Variants in DEXI observed in about 807,000 individuals in gnomAD.
DEXI encodes Dexi homolog, also known as dexamethasone-induced protein.
DEXI carries 2 observed loss-of-function variants against 2.5 expected under a neutral mutation model. That is an observed-to-expected ratio of 0.81 (90% CI 0.33 to 2.55). The LOEUF is 2.55. Among genes scored for constraint, DEXI ranks in the 30% most tolerant of loss-of-function variants. The pLI, the probability that DEXI is intolerant of heterozygous loss-of-function variation, is 0.11. For synonymous variants in DEXI, 71 were observed against 68.7 expected, an observed-to-expected ratio of 1.03 and a Z score of -0.17; for missense variants, 108 against 130.3, an observed-to-expected ratio of 0.83 and a Z score of 0.83.
At position 10,941,671 on chromosome 16, in the gene DEXI, C is replaced by A; in HGVS notation, c.*47G>T. ...CATGATCTGGGCGGCTGGTCCAGGG[C>A]ATGGGTTGCGGATCGTGTAGGGAAG... On this transcript the variant is annotated 3_prime_UTR_variant, in exon 1 of 2. Transcript: ENST00000331808. This position sits in a 1 kb window ranked among gnomAD's most constrained non-coding sequence, Gnocchi z 6.4. The A allele has an allele frequency of 6.4e-7, 1 of 1,560,528 alleles. No individual in the cohort carries two copies. Among genetic ancestry groups the A allele is most frequent in the Non-Finnish European group, 8.7e-7 (1 of 1,150,232 alleles).
chr16:10,942,133 G>T lies in DEXI; in HGVS notation c.-128C>A. ...TGGAGCCCGACAGAAGCAGGGCCGG[G>T]CTCCAGATGTCCCCTGGCAATTGCG... On this transcript the variant is annotated 5_prime_UTR_variant, in exon 1 of 2. Coordinates refer to ENST00000331808, the MANE Select transcript of DEXI (RefSeq NM_014015.4). This position sits in a 1 kb window ranked among gnomAD's most constrained non-coding sequence, Gnocchi z 5.0. The T allele has an allele frequency of 1.5e-6, 1 of 668,156 alleles. No homozygotes were observed. Among genetic ancestry groups the T allele is most frequent in the Non-Finnish European group, 2.2e-6 (1 of 451,684 alleles). The allele number at this position is 668,156 out of a possible 1,614,324, so 41.4% of individuals were successfully genotyped here.
At chr16:10,930,869 A>T (rs755862182) in intron 1 of DEXI, 2 of 152,248 alleles carry the variant, frequency 1.3e-5, no homozygotes, top group African/African-American at 4.8e-5. Flanking sequence ...ATGTCTCTCC[A>T]TAGCTGCCCT....
In DEXI at chr16:10,934,914, C is replaced by G. The variant is rs1038061105; in HGVS notation, c.*150-5355G>C. 1 of 152,234 alleles carries G rather than the reference C, an allele frequency of 6.6e-6. No homozygotes were observed. The highest frequency in any genetic ancestry group is 2.4e-5 in the African/African-American group (1 of 41,458). 9.4% of individuals were successfully genotyped at this position (152,234 alleles called of 1,614,324 possible). ...CAAAGGCTGCCCACACAGACACACCCTCCTTGGTAACCAGTCCTCAGGAGG... is the reference window on the plus strand; with the variant it reads ...CAAAGGCTGCCCACACAGACACACCGTCCTTGGTAACCAGTCCTCAGGAGG... On this transcript the variant is annotated intron_variant, in intron 1 of 1. Transcript: ENST00000331808. This position sits in a 1 kb window ranked among gnomAD's most constrained non-coding sequence, Gnocchi z 4.2.
chr16:10,929,505 C>T lies in DEXI; in HGVS notation c.*204G>A, dbSNP rs2040683511. 9 of 985,578 alleles carry T rather than the reference C, an allele frequency of 9.1e-6. No individual in the cohort carries two copies. Among genetic ancestry groups the T allele is most frequent in the Non-Finnish European group, 8.4e-6 (7 of 829,980 alleles). The allele number at this position is 985,578 out of a possible 1,614,324, so 61.1% of individuals were successfully genotyped here. A position where few individuals can be genotyped will look rare whatever the true frequency, so the allele number is the denominator to read the frequency against. On this transcript the variant is annotated 3_prime_UTR_variant, in exon 2 of 2. Transcript: ENST00000331808. The surrounding 1 kb of genome is among the most constrained non-coding windows in gnomAD (Gnocchi z 4.3). ...TCAGTCCCAATCTCTCTTCCACTCT[C>T]CTGGGTTCAAACAGGAACCTCTCTG...
At chr16:10,932,197 A>C (rs930115029) in intron 1 of DEXI, 5 of 152,254 alleles carry the variant, frequency 3.3e-5, no homozygotes, top group African/African-American at 1.2e-4. Context: ...TTTGTCACAC[A>C]CTTTGGCTAT....
At position 10,929,533 on chromosome 16, in the gene DEXI, G is replaced by A. The variant is rs2040685452; in HGVS notation, c.*176C>T. On this transcript the variant is annotated 3_prime_UTR_variant, in exon 2 of 2. Transcript: ENST00000331808. This position sits in a 1 kb window ranked among gnomAD's most constrained non-coding sequence, Gnocchi z 4.3. ...GGGTTCAAACAGGAACCTCTCTGTTGGCACGAAGCTTTTGAGGGGAGCAGG... is the reference window on the plus strand; with the variant it reads ...GGGTTCAAACAGGAACCTCTCTGTTAGCACGAAGCTTTTGAGGGGAGCAGG... 2.0e-6 allele frequency: 2 copies of A among 985,512 alleles called. No homozygotes were observed. Among genetic ancestry groups the A allele is most frequent in the Non-Finnish European group, 2.4e-6 (2 of 829,960 alleles). 61.0% of individuals were successfully genotyped at this position (985,512 alleles called of 1,614,324 possible). A position where few individuals can be genotyped will look rare whatever the true frequency, so the allele number is the denominator to read the frequency against.
chr16:10,941,730 C>A lies in DEXI; in HGVS notation c.276G>T (p.Ala92=). The A allele has an allele frequency of 1.2e-6, 2 of 1,609,306 alleles. No homozygotes were observed. The highest frequency in any genetic ancestry group is 2.2e-5 in the East Asian group (1 of 44,548). ...DADSELDVFD[A]YLE ...AGCAGTCGAGACCCTACTCCAAGTA[C>A]GCATCAAAGACGTCGAGCTCCGAGT... Residue 92 remains alanine, a synonymous_variant, in exon 1 of 2, where the codon GCG becomes GCT. Coordinates refer to ENST00000331808, the MANE Select transcript of DEXI (RefSeq NM_014015.4). This position sits in a 1 kb window ranked among gnomAD's most constrained non-coding sequence, Gnocchi z 6.4.
In DEXI at chr16:10,942,206, GC is replaced by G; in HGVS notation, c.-202del. On this transcript the variant is annotated 5_prime_UTR_variant, in exon 1 of 2. Coordinates refer to ENST00000331808, the MANE Select transcript of DEXI (RefSeq NM_014015.4). The surrounding 1 kb of genome is among the most constrained non-coding windows in gnomAD (Gnocchi z 5.0). ...GGCGGGTCACCGCACCCCGAGATGT[GC>G]CCCCAAGGATCTCTCGACCGCCCGG... is the stretch of plus-strand genomic sequence containing the variant. The G allele has an allele frequency of 2.3e-6, 1 of 437,540 alleles. No individual in the cohort carries two copies. Among genetic ancestry groups the G allele is most frequent in the Non-Finnish European group, 3.9e-6 (1 of 254,622 alleles). The allele number at this position is 437,540 out of a possible 1,614,324, so 27.1% of individuals were successfully genotyped here. A position where few individuals can be genotyped will look rare whatever the true frequency, so the allele number is the denominator to read the frequency against.
rs1374844591 is a variant in DEXI at position 10,940,023 on chromosome 16, CT to C, written c.*149+1545del. 6 of 152,274 alleles carry C rather than the reference CT, an allele frequency of 3.9e-5. No individual in the cohort carries two copies. In the East Asian group the frequency reaches 5.8e-4, roughly 15 times the overall value. 9.4% of individuals were successfully genotyped at this position (152,274 alleles called of 1,614,324 possible). On this transcript the variant is annotated intron_variant, in intron 1 of 1. Coordinates refer to ENST00000331808, the MANE Select transcript of DEXI (RefSeq NM_014015.4). This position sits in a 1 kb window ranked among gnomAD's most constrained non-coding sequence, Gnocchi z 4.2. Reference sequence around the variant, plus strand: ...GCAGAGCACCTGGCACACACTCCCCCTGGCACTTGGTTCTCGCTAAGATGTT... The same window carrying C: ...GCAGAGCACCTGGCACACACTCCCCCGGCACTTGGTTCTCGCTAAGATGTT...
chr16:10,939,718 C>T lies in DEXI; in HGVS notation c.*149+1851G>A, dbSNP rs184504252. On this transcript the variant is annotated intron_variant, in intron 1 of 1. Coordinates refer to ENST00000331808, the MANE Select transcript of DEXI (RefSeq NM_014015.4). This position sits in a 1 kb window ranked among gnomAD's most constrained non-coding sequence, Gnocchi z 4.9. ...ACTCCATGTCTACACCTACAGAGAC[C>T]GTCTACTAGAGGCCAGGCACAGTTT... The T allele has an allele frequency of 1.1e-3, 170 of 152,306 alleles. No individual in the cohort carries two copies. The highest frequency in any genetic ancestry group is 2.0e-3 in the Non-Finnish European group (139 of 68,034). 9.4% of individuals were successfully genotyped at this position (152,306 alleles called of 1,614,324 possible). A position where few individuals can be genotyped will look rare whatever the true frequency, so the allele number is the denominator to read the frequency against.
rs750260287 is a variant in DEXI at position 10,941,937 on chromosome 16, C to A, written c.69G>T (p.Pro23=). Residue 23 remains proline, a synonymous_variant, in exon 1 of 2, where the codon CCG becomes CCT. Coordinates refer to ENST00000331808, the MANE Select transcript of DEXI (RefSeq NM_014015.4). The surrounding 1 kb of genome is among the most constrained non-coding windows in gnomAD (Gnocchi z 6.4). ...CCACGTAGAACATAGAGGGCAGCAGCGGCGGCGGCACGTAGGGGACCAGGG... is the reference window on the plus strand; with the variant it reads ...CCACGTAGAACATAGAGGGCAGCAGAGGCGGCGGCACGTAGGGGACCAGGG... ...LGPLVPYVPP[P]LLPSMFYVGL... 34 of 1,587,082 alleles carry A rather than the reference C, an allele frequency of 2.1e-5. No homozygotes were observed. Among genetic ancestry groups the A allele is most frequent in the Non-Finnish European group, 2.8e-5 (33 of 1,167,770 alleles).
intron 1 of DEXI, chr16:10,936,428 A>G (rs2041023559): frequency 6.6e-6 from 1 of 152,240 alleles, no homozygotes; most frequent in African/African-American, 2.4e-5. Context: ...AATGCTTATG[A>G]AAATTACACA....
chr16:10,941,713 A>C lies in DEXI; in HGVS notation c.*5T>G, dbSNP rs768726996. 3 of 1,603,092 alleles carry C rather than the reference A, an allele frequency of 1.9e-6. No individual in the cohort carries two copies. Among genetic ancestry groups the C allele is most frequent in the Admixed American group, 1.7e-5 (1 of 59,358 alleles). On this transcript the variant is annotated 3_prime_UTR_variant, in exon 1 of 2. Coordinates refer to ENST00000331808, the MANE Select transcript of DEXI (RefSeq NM_014015.4). The surrounding 1 kb of genome is among the most constrained non-coding windows in gnomAD (Gnocchi z 6.4). ...GTAGGGAAGAGGGGAACAGCAGTCGAGACCCTACTCCAAGTACGCATCAAA... is the reference window on the plus strand; with the variant it reads ...GTAGGGAAGAGGGGAACAGCAGTCGCGACCCTACTCCAAGTACGCATCAAA...
intron 1 of DEXI, chr16:10,931,392 AG>A (rs2040786556): frequency 6.6e-6 from 1 of 152,248 alleles, no homozygotes; most frequent in African/African-American, 2.4e-5. Context: ...CGACAGTCCC[AG>A]CCAGGCGCTA....
In DEXI at chr16:10,942,408, G is replaced by T. The variant is rs948853736; in HGVS notation, c.-403C>A. On this transcript the variant is annotated 5_prime_UTR_variant, in exon 1 of 2. Coordinates refer to ENST00000331808, the MANE Select transcript of DEXI (RefSeq NM_014015.4). This position sits in a 1 kb window ranked among gnomAD's most constrained non-coding sequence, Gnocchi z 5.0. ...CCCCGCAGGTCCTCGCGCACCCCCC[G>T]CGCCCCCGCAGGCCCAGCACCCATG... 7 of 161,406 alleles carry T rather than the reference G, an allele frequency of 4.3e-5. No homozygotes were observed. Among genetic ancestry groups the T allele is most frequent in the Non-Finnish European group, 9.4e-5 (7 of 74,226 alleles). 10.0% of individuals were successfully genotyped at this position (161,406 alleles called of 1,614,324 possible). A position where few individuals can be genotyped will look rare whatever the true frequency, so the allele number is the denominator to read the frequency against.
Position 10,941,374 on chromosome 16 carries a change from C to G in DEXI, c.*149+195G>C. ...TCTCCTTCCTTTTCACCAGCTGTCC[C>G]CTTTGCTGGAGGAAGCTTTCCAGCC... On this transcript the variant is annotated intron_variant, in intron 1 of 1. Coordinates refer to ENST00000331808, the MANE Select transcript of DEXI (RefSeq NM_014015.4). The surrounding 1 kb of genome is among the most constrained non-coding windows in gnomAD (Gnocchi z 6.4). The G allele has an allele frequency of 3.4e-6, 1 of 292,792 alleles. No individual in the cohort carries two copies. The highest frequency in any genetic ancestry group is 5.7e-6 in the Non-Finnish European group (1 of 176,824). 18.1% of individuals were successfully genotyped at this position (292,792 alleles called of 1,614,324 possible).
In DEXI at chr16:10,940,871, G is replaced by A. The variant is rs76045352; in HGVS notation, c.*149+698C>T. 1,820 of 152,430 alleles carry A rather than the reference G, an allele frequency of 0.012. 13 individuals carry two copies. The highest frequency in any genetic ancestry group is 0.018 in the Non-Finnish European group (1,252 of 68,206). 9.4% of individuals were successfully genotyped at this position (152,430 alleles called of 1,614,324 possible). A position where few individuals can be genotyped will look rare whatever the true frequency, so the allele number is the denominator to read the frequency against. Reference sequence around the variant, plus strand: ...AGCCCCCTGAGCGCTTGCAAACACTGCAGACAAAGCGAGCCCTGGCACCAG... The same window carrying A: ...AGCCCCCTGAGCGCTTGCAAACACTACAGACAAAGCGAGCCCTGGCACCAG... On this transcript the variant is annotated intron_variant, in intron 1 of 1. Transcript: ENST00000331808. This position sits in a 1 kb window ranked among gnomAD's most constrained non-coding sequence, Gnocchi z 4.2.
chr16:10,929,357 G>T lies in DEXI; in HGVS notation c.*352C>A. Reference sequence around the variant, plus strand: ...GGCTGGGTTCCTGTAAACATCCATCGCAGCTGCAAATAATCAGAAGCCAAG... The same window carrying T: ...GGCTGGGTTCCTGTAAACATCCATCTCAGCTGCAAATAATCAGAAGCCAAG... On this transcript the variant is annotated 3_prime_UTR_variant, in exon 2 of 2. Transcript: ENST00000331808. This position sits in a 1 kb window ranked among gnomAD's most constrained non-coding sequence, Gnocchi z 4.3. 2 of 985,930 alleles carry T rather than the reference G, an allele frequency of 2.0e-6. No homozygotes were observed. The highest frequency in any genetic ancestry group is 2.4e-6 in the Non-Finnish European group (2 of 829,962). The allele number at this position is 985,930 out of a possible 1,614,324, so 61.1% of individuals were successfully genotyped here.
chr16:10,935,369 A>C (rs1011315972), intron 1 of DEXI: 8 of 152,212 alleles, frequency 5.3e-5, no homozygotes, highest in Admixed American at 3.3e-4. Context: ...GACAGTTGTT[A>C]ATCTCTTTTT....
Sources: gnomAD v4.1 joint callset for allele counts on GRCh38, gnomAD v4.1.1 for gene constraint, Gnocchi (gnomAD v3.1) non-coding constraint, MANE v1.5 for transcripts, NCBI Gene and HGNC (gene_info 2026-07-23, HGNC 2026-07-21) for gene names.